HPSE2: variants seen among roughly 807,000 people sequenced by gnomAD.
The protein encoded by HPSE2 is heparanase 2 (inactive), also known as inactive heparanase-2.
HPSE2 carries 38 observed loss-of-function variants against 60.5 expected under a neutral mutation model. The ratio of observed to expected loss-of-function variants is 0.63; its 90% CI spans 0.48 to 0.82. The LOEUF is 0.82. HPSE2 is among the 40% of genes least tolerant of loss of function. The pLI is 0.00. For synonymous variants in HPSE2, 295 were observed against 293.2 expected, an observed-to-expected ratio of 1.01 and a Z score of -0.06; for missense variants, 713 against 740.4, an observed-to-expected ratio of 0.96 and a Z score of 0.43.
chr10:98,742,792 T>TACACACACAC (rs71009713), intron 4 of HPSE2, among the ~76,000 whole-genome samples: 54 of 147,338 alleles, frequency 3.7e-4, no homozygotes, highest in Admixed American at 1.5e-3. Context: ...CACACATACA[T>TACACACACAC]ACACACACAC....
intron 2 of HPSE2, among the ~76,000 whole-genome samples, chr10:99,169,054 G>A (rs868799742): frequency 4.0e-5 from 6 of 151,768 alleles, no homozygotes; most frequent in Admixed American, 2.0e-4. Flanking sequence ...TTAGCCAGGC[G>A]TGGTGGTGGG....
At chr10:98,777,649 GC>G (rs1437426060) in intron 3 of HPSE2, among the ~76,000 whole-genome samples, 1 of 151,922 alleles carries the variant, frequency 6.6e-6, no homozygotes, top group Non-Finnish European at 1.5e-5. Flanking sequence ...ATTTTCTTTT[GC>G]CTTATAACAA....
At chr10:98,638,675 G>A (rs1373811364) in intron 7 of HPSE2, among the ~76,000 whole-genome samples, 1 of 152,112 alleles carries the variant, frequency 6.6e-6, no homozygotes, top group Non-Finnish European at 1.5e-5. Context: ...ATGTCCCCAG[G>A]GAAGTCCAGT....
chr10:98,656,654 C>T (rs1191276424), intron 6 of HPSE2, among the ~76,000 whole-genome samples: 2 of 152,046 alleles, frequency 1.3e-5, no homozygotes, highest in Non-Finnish European at 2.9e-5. Context: ...ACTTTAATTT[C>T]TTACTTATAG....
chr10:98,768,294 A>C lies in HPSE2; in HGVS notation c.611-24238T>G, dbSNP rs971668397. 4.6e-5 allele frequency among the ~76,000 whole-genome samples: 7 copies of C among 152,298 alleles called. No individual in the cohort carries two copies. The East Asian group carries it at 1.3e-3, about 29-fold the overall frequency. On this transcript the variant is annotated intron_variant, in intron 3 of 11. Transcript: ENST00000370552. Reference sequence around the variant, plus strand: ...AAAATACTAGAAGGAAAAAAAGTTCAACACACTTACTTGTTCCAATTAAAA... The same window carrying C: ...AAAATACTAGAAGGAAAAAAAGTTCCACACACTTACTTGTTCCAATTAAAA...
chr10:99,265,796 A>C, the HPSE2 span, among the ~76,000 whole-genome samples: 1 of 152,196 alleles, frequency 6.6e-6, no homozygotes, highest in Non-Finnish European at 1.5e-5. Context: ...TGGGAGACAG[A>C]CAAAAAACTG....
chr10:99,306,999 C>G, the HPSE2 span, among the ~76,000 whole-genome samples: 1 of 152,182 alleles, frequency 6.6e-6, no homozygotes, highest in Non-Finnish European at 1.5e-5. Context: ...TGTGAGCCAC[C>G]ATGCCTGGCC....
At chr10:99,178,948 T>G (rs1367717826) in intron 2 of HPSE2, among the ~76,000 whole-genome samples, 2 of 152,228 alleles carry the variant, frequency 1.3e-5, no homozygotes, top group African/African-American at 4.8e-5. Flanking sequence ...ATCCCTGGGA[T>G]GCAAAGCTGG....
chr10:99,296,181 T>C, the HPSE2 span, among the ~76,000 whole-genome samples: 1 of 152,222 alleles, frequency 6.6e-6, no homozygotes, highest in South Asian at 2.1e-4. Context: ...AACATTTAGC[T>C]TTCCATGTAG....
rs544152055 is a variant in HPSE2 at position 98,759,396 on chromosome 10, A to T, written c.611-15340T>A. ...AATGTCAAGACACTTTTCCCCTGTGATATCTTCTAGCAATTTTACAAGTTT... is the reference window on the plus strand; with the variant it reads ...AATGTCAAGACACTTTTCCCCTGTGTTATCTTCTAGCAATTTTACAAGTTT... On this transcript the variant is annotated intron_variant, in intron 3 of 11. Transcript: ENST00000370552. Among the ~76,000 whole-genome samples, 16 of 152,238 alleles carry T rather than the reference A, an allele frequency of 1.1e-4. 1 individual carries two copies. In the South Asian group the frequency reaches 3.1e-3, roughly 30 times the overall value.
the HPSE2 span, among the ~76,000 whole-genome samples, chr10:99,287,627 G>A: frequency 6.6e-6 from 1 of 152,134 alleles, no homozygotes; most frequent in Non-Finnish European, 1.5e-5. Context: ...ATGGAGATCT[G>A]AGCAGTACAC....
At chr10:99,105,837 T>C (rs898449732) in intron 3 of HPSE2, among the ~76,000 whole-genome samples, 1 of 152,084 alleles carries the variant, frequency 6.6e-6, no homozygotes, top group Non-Finnish European at 1.5e-5. Flanking sequence ...TTTTTTTTAA[T>C]CCGAATATCC....
intron 9 of HPSE2, among the ~76,000 whole-genome samples, chr10:98,567,587 G>A (rs1944381813): frequency 6.6e-6 from 1 of 152,174 alleles, no homozygotes. Context: ...GTTTGGAGCA[G>A]ATGGGAAAAG....
intron 11 of HPSE2, among the ~76,000 whole-genome samples, chr10:98,466,696 C>T (rs1211317588): frequency 1.3e-5 from 2 of 152,016 alleles, no homozygotes. Flanking sequence ...GTTTCTCCAT[C>T]TGTAAGGTGA....
At chr10:98,674,322 C>G (rs142843776) in intron 6 of HPSE2, among the ~76,000 whole-genome samples, 1 of 152,062 alleles carries the variant, frequency 6.6e-6, no homozygotes, top group Non-Finnish European at 1.5e-5. Flanking sequence ...CTCTTTTATT[C>G]TAAAATGAAG....
At chr10:98,608,152 G>C (rs1457885271) in intron 9 of HPSE2, among the ~76,000 whole-genome samples, 2 of 152,142 alleles carry the variant, frequency 1.3e-5, no homozygotes, top group African/African-American at 4.8e-5. Flanking sequence ...AGCTGGTTTT[G>C]AAACTCAGGT....
intron 3 of HPSE2, among the ~76,000 whole-genome samples, chr10:98,925,342 T>A (rs1452487616): frequency 6.8e-6 from 1 of 147,666 alleles, no homozygotes; most frequent in Non-Finnish European, 1.5e-5. Context: ...TAGATCTTAT[T>A]TAAACCTTTT....
intron 9 of HPSE2, among the ~76,000 whole-genome samples, chr10:98,586,534 C>G (rs1330896271): frequency 6.6e-6 from 1 of 152,074 alleles, no homozygotes; most frequent in African/African-American, 2.4e-5. Flanking sequence ...ATTTAAATAG[C>G]ATTACTTTCC....
At chr10:98,735,369 G>A (rs1949331082) in intron 4 of HPSE2, among the ~76,000 whole-genome samples, 2 of 148,944 alleles carry the variant, frequency 1.3e-5, no homozygotes, top group African/African-American at 5.0e-5. Flanking sequence ...AGGATGTATA[G>A]AAATGCCTGT....
Sources: gnomAD v4.1 joint callset for allele counts (sites outside exome capture counted in the v4.1 genomes callset) on GRCh38, gnomAD v4.1.1 for gene constraint, MANE v1.5 for transcripts, NCBI Gene and HGNC (gene_info 2026-07-23, HGNC 2026-07-21) for gene names.